The following SRPK1 variants were observed in gnomAD, a reference collection of about 807,000 sequenced individuals.
The protein encoded by SRPK1 is SRSF protein kinase 1, also known as SFRS protein kinase 1.
A neutral mutation model predicts 89.5 loss-of-function variants in SRPK1; 52 were observed. The observed-to-expected ratio is 0.58, with a 90% CI of 0.46 to 0.73. The LOEUF is 0.73. SRPK1 is among the 30% of genes least tolerant of loss of function. SRPK1 has a pLI of 0.00. For synonymous variants in SRPK1, 255 were observed against 270.2 expected (o/e 0.94, Z 0.55); for missense variants, 603 against 780.6 (o/e 0.77, Z 2.71).
At chr6:35,857,952 C>T (rs1769700287) in intron 12 of SRPK1, among the ~76,000 whole-genome samples, 1 of 152,076 alleles carries the variant, frequency 6.6e-6, no homozygotes, top group African/African-American at 2.4e-5. Context: ...GAGTAATTTC[C>T]TCTTTTCACA....
At chr6:35,880,932 A>G (rs1770274467) in intron 6 of SRPK1, among the ~76,000 whole-genome samples, 1 of 151,986 alleles carries the variant, frequency 6.6e-6, no homozygotes, top group African/African-American at 2.4e-5. Context: ...TTAAGAGGGA[A>G]TCTTGAAAGC....
chr6:35,871,537 T>C (rs1770035646), intron 8 of SRPK1, among the ~76,000 whole-genome samples: 1 of 152,230 alleles, frequency 6.6e-6, no homozygotes, highest in African/African-American at 2.4e-5. Context: ...ACAGGATCTG[T>C]AGAATGTTTT....
chr6:35,885,298 C>CACAGAGAGAGAG lies in SRPK1; in HGVS notation c.478+1425_478+1426insCTCTCTCTCTGT, dbSNP rs1276672274. Among the ~76,000 whole-genome samples the CACAGAGAGAGAG allele has an allele frequency of 4.4e-5, 5 of 113,188 alleles. No individual in the cohort carries two copies. In the East Asian group the frequency reaches 8.8e-4, roughly 20 times the overall value. 74.3% of individuals were successfully genotyped at this position (113,188 alleles called of 152,430 possible). A position where few individuals can be genotyped will look rare whatever the true frequency, so the allele number is the denominator to read the frequency against. Reference sequence around the variant, plus strand: ...ACACACACACACACACACACACACACAGAGAGAGAGAGAGAGAGAGAGAGA... The same window carrying CACAGAGAGAGAG: ...ACACACACACACACACACACACACACACAGAGAGAGAGAGAGAGAGAGAGAGAGAGAGAGAGA... On this transcript the variant is annotated intron_variant, in intron 6 of 15. Transcript: ENST00000373825.
intron 12 of SRPK1, among the ~76,000 whole-genome samples, chr6:35,865,143 A>C (rs1769866502): frequency 6.6e-6 from 1 of 152,194 alleles, no homozygotes; most frequent in Admixed American, 6.5e-5. Context: ...GGGTGACTAT[A>C]GTGAATAATA....
At chr6:35,865,518 A>T (rs1769876386) in intron 12 of SRPK1, among the ~76,000 whole-genome samples, 1 of 152,186 alleles carries the variant, frequency 6.6e-6, no homozygotes, top group Non-Finnish European at 1.5e-5. Flanking sequence ...GAAAAAAGCT[A>T]GAGGCATTAC....
chr6:35,892,681 AACAACAACG>A (rs1454513495), intron 2 of SRPK1, among the ~76,000 whole-genome samples: 7 of 141,150 alleles, frequency 5.0e-5, no homozygotes, highest in African/African-American at 1.9e-4. Context: ...CAACAACAAC[AACAACAACG>A]ACAACAACAC....
chr6:35,883,934 C>G (rs565869566), intron 6 of SRPK1, among the ~76,000 whole-genome samples: 61 of 151,924 alleles, frequency 4.0e-4, no homozygotes, highest in African/African-American at 1.4e-3. Flanking sequence ...GAGGTTTCAC[C>G]GTGTTAGCCA....
intron 2 of SRPK1, among the ~76,000 whole-genome samples, chr6:35,915,870 G>A (rs761465122): frequency 1.8e-4 from 28 of 151,402 alleles, no homozygotes; most frequent in Middle Eastern, 3.2e-3. Flanking sequence ...TACTCTGGAG[G>A]CTGAGGCAGG....
chr6:35,862,527 T>C (rs943884594), intron 12 of SRPK1, among the ~76,000 whole-genome samples: 1 of 152,064 alleles, frequency 6.6e-6, no homozygotes, highest in African/African-American at 2.4e-5. Flanking sequence ...TATTCTCCCC[T>C]ACAAAAGCAA....
chr6:35,884,562 A>G (rs2127255177), intron 6 of SRPK1, among the ~76,000 whole-genome samples: 1 of 152,352 alleles, frequency 6.6e-6, no homozygotes, highest in African/African-American at 2.4e-5. Flanking sequence ...AATCTCTAAC[A>G]GTAGTAAATA....
chr6:35,910,213 C>T (rs558435046), intron 2 of SRPK1, among the ~76,000 whole-genome samples: 49 of 152,214 alleles, frequency 3.2e-4, no homozygotes, highest in Admixed American at 9.2e-4. Flanking sequence ...GAACTCCCGA[C>T]CTCAGGTGAT....
chr6:35,885,004 A>AT lies in SRPK1; in HGVS notation c.478+1719dup, dbSNP rs201360484. 4.8e-3 allele frequency among the ~76,000 whole-genome samples: 734 copies of AT among 152,230 alleles called. 5 individuals are homozygous for AT. Among genetic ancestry groups the AT allele is most frequent in the African/African-American group, 0.017 (692 of 41,534 alleles). ...AAAGAAAAATATCTTGGAACTTGAA[A>AT]TTCAAACCTACTAAGATATTTCAAT... is the stretch of plus-strand genomic sequence containing the variant. On this transcript the variant is annotated intron_variant, in intron 6 of 15. Coordinates refer to ENST00000373825, the MANE Select transcript of SRPK1 (RefSeq NM_003137.5).
At chr6:35,887,929 T>A in intron 5 of SRPK1, 95 bp downstream of exon 5, 1 of 840,136 alleles carries the variant, frequency 1.2e-6, no homozygotes, top group Non-Finnish European at 1.7e-6. Context: ...GAGAAAATTA[T>A]CCATGCTAAA....
chr6:35,897,336 T>C (rs1770646326), intron 2 of SRPK1, among the ~76,000 whole-genome samples: 1 of 152,208 alleles, frequency 6.6e-6, no homozygotes, highest in Admixed American at 6.5e-5. Flanking sequence ...GAATTTATGG[T>C]AATAGCTAAA....
intron 15 of SRPK1, among the ~76,000 whole-genome samples, chr6:35,835,926 G>A (rs1013390915): frequency 1.3e-5 from 2 of 151,974 alleles, no homozygotes; most frequent in Non-Finnish European, 2.9e-5. Flanking sequence ...TTTACAGTGA[G>A]GCAGTAAAGT....
chr6:35,853,144 C>T (rs540688155), intron 13 of SRPK1, among the ~76,000 whole-genome samples: 33 of 152,066 alleles, frequency 2.2e-4, no homozygotes, highest in African/African-American at 2.4e-4. Context: ...CCCATATACT[C>T]GTTGGCGGGG....
chr6:35,843,965 T>A (rs1430678274), intron 13 of SRPK1, among the ~76,000 whole-genome samples: 3 of 151,612 alleles, frequency 2.0e-5, no homozygotes, highest in Admixed American at 6.6e-5. Context: ...AAATCCTCAC[T>A]GATTACAAAT....
At chr6:35,846,132 A>G (rs2151080253) in intron 13 of SRPK1, among the ~76,000 whole-genome samples, 1 of 152,242 alleles carries the variant, frequency 6.6e-6, no homozygotes, top group East Asian at 1.9e-4. Flanking sequence ...AAGATAAAAA[A>G]TTTCTAAAGA....
chr6:35,898,027 T>C (rs778872515), intron 2 of SRPK1, among the ~76,000 whole-genome samples: 6 of 152,258 alleles, frequency 3.9e-5, no homozygotes, highest in African/African-American at 1.4e-4. Context: ...CATTGCATTA[T>C]GAATGTTTAC....
Sources: allele counts gnomAD v4.1 joint callset (sites outside exome capture counted in the v4.1 genomes callset), GRCh38; gene constraint gnomAD v4.1.1; transcripts MANE v1.5; gene names NCBI Gene and HGNC (gene_info 2026-07-23, HGNC 2026-07-21).